The following ADGRL3 variants were observed in gnomAD, a reference collection of about 807,000 sequenced individuals.
The protein encoded by ADGRL3 is calcium-independent alpha-latrotoxin receptor 3.
In ADGRL3, 62 loss-of-function variants were observed where a neutral mutation model predicts 153.5. The ratio of observed to expected loss-of-function variants is 0.40; its 90% confidence interval spans 0.33 to 0.50. The LOEUF (loss-of-function observed/expected upper bound fraction) is 0.50. Among genes scored for constraint, ADGRL3 ranks in the 20% least tolerant of loss-of-function variants. The pLI is 0.47. For synonymous variants in ADGRL3, 710 were observed against 672.5 expected, an observed-to-expected ratio of 1.06 and a Z score of -0.86; for missense variants, 1,641 against 1,859.4, an observed-to-expected ratio of 0.88 and a Z score of 2.16.
chr4:61,228,027 A>G (rs1392036625), intron 1 of ADGRL3, among the ~76,000 whole-genome samples: 2 of 152,238 alleles, frequency 1.3e-5, no homozygotes, highest in Non-Finnish European at 2.9e-5. Flanking sequence ...CCACTTATGA[A>G]AATCTGAAAA....
At chr4:61,420,088 C>G in intron 2 of ADGRL3, among the ~76,000 whole-genome samples, 1 of 152,142 alleles carries the variant, frequency 6.6e-6, no homozygotes, top group Non-Finnish European at 1.5e-5. Context: ...AGGCGTGAGC[C>G]ACCATGCCCA....
intron 5 of ADGRL3, among the ~76,000 whole-genome samples, chr4:61,631,459 T>C (rs757749989): frequency 3.9e-5 from 6 of 152,224 alleles, no homozygotes; most frequent in Non-Finnish European, 8.8e-5. Context: ...GGAACCCTTT[T>C]CATCATAAAG....
intron 1 of ADGRL3, among the ~76,000 whole-genome samples, chr4:61,309,537 T>A (rs1395731303): frequency 1.3e-5 from 2 of 152,072 alleles, no homozygotes; most frequent in African/African-American, 4.8e-5. Flanking sequence ...TATACAACTT[T>A]CCTAATAAAT....
At chr4:61,837,968 T>A (rs1477430043) in intron 9 of ADGRL3, among the ~76,000 whole-genome samples, 1 of 152,130 alleles carries the variant, frequency 6.6e-6, no homozygotes, top group African/African-American at 2.4e-5. Context: ...ATTGTCATGA[T>A]GTGCTTCATA....
rs548347888 is a variant in ADGRL3, at chr4:61,428,618, C to T, written c.-174+45429C>T. Among the ~76,000 whole-genome samples, 15 of 152,206 alleles carry T rather than the reference C, an allele frequency of 9.9e-5. No individual in the cohort carries two copies. The South Asian group carries it at 1.2e-3, about 13-fold the overall frequency. Reference sequence around the variant, plus strand: ...TGTGTTGTCTGTTTCTGCCACTTACCGGCTATGTGATTTGGTAGTTATGTC... The same window carrying T: ...TGTGTTGTCTGTTTCTGCCACTTACTGGCTATGTGATTTGGTAGTTATGTC... On this transcript the variant is annotated intron_variant, in intron 2 of 26. Transcript: ENST00000683033.
At chr4:62,032,885 A>C (rs953011107) in intron 23 of ADGRL3, among the ~76,000 whole-genome samples, 1 of 151,732 alleles carries the variant, frequency 6.6e-6, no homozygotes, top group African/African-American at 2.4e-5. Context: ...CAGAAAAGAA[A>C]AGAGGTTACA....
chr4:61,833,225 A>G (rs951582462), intron 9 of ADGRL3, among the ~76,000 whole-genome samples: 14 of 152,192 alleles, frequency 9.2e-5, no homozygotes, highest in Admixed American at 2.6e-4. Flanking sequence ...AATAAGGAGC[A>G]TAGTTCTTGC....
At chr4:62,060,307 T>C (rs1441534628) in intron 25 of ADGRL3, among the ~76,000 whole-genome samples, 2 of 152,008 alleles carry the variant, frequency 1.3e-5, no homozygotes, top group African/African-American at 4.8e-5. Flanking sequence ...GCAATCTCCT[T>C]ACCTTATTAT....
chr4:61,602,115 G>GTCT (rs1479418388), intron 5 of ADGRL3, among the ~76,000 whole-genome samples: 1 of 150,928 alleles, frequency 6.6e-6, no homozygotes, highest in Non-Finnish European at 1.5e-5. Flanking sequence ...TGACCTCCCT[G>GTCT]TCTTATATCT....
intron 1 of ADGRL3, among the ~76,000 whole-genome samples, chr4:61,236,104 G>C (rs964901822): frequency 1.9e-4 from 28 of 143,724 alleles, no homozygotes; most frequent in South Asian, 2.2e-4. Context: ...CCACCTCCTG[G>C]GTCCAAGCGA....
intron 17 of ADGRL3, among the ~76,000 whole-genome samples, chr4:61,950,005 G>T (rs2098941013): frequency 1.3e-5 from 2 of 152,116 alleles, no homozygotes; most frequent in Admixed American, 1.3e-4. Context: ...AATGGCTTTT[G>T]CAAAGATCGA....
chr4:61,890,942 TTATATATGCAAATTA>T (rs74266806), intron 9 of ADGRL3, among the ~76,000 whole-genome samples: 76,266 of 151,792 alleles, frequency 0.5, 19,456 homozygotes, highest in African/African-American at 0.57. Context: ...ATTTGATTTA[TTATATATGCAAATTA>T]TATATATTAG....
chr4:61,730,718 G>T, intron 7 of ADGRL3, 82 bp downstream of exon 7: 1 of 345,262 alleles, frequency 2.9e-6, no homozygotes. Context: ...AAATAATTTT[G>T]TTATTAATTC....
intron 2 of ADGRL3, among the ~76,000 whole-genome samples, chr4:61,387,025 T>C (rs1423382318): frequency 6.6e-6 from 1 of 152,146 alleles, no homozygotes; most frequent in Non-Finnish European, 1.5e-5. Context: ...ATCACGTAGG[T>C]TCTTTTCTAT....
chr4:61,367,549 C>T (rs1301101021), intron 1 of ADGRL3, among the ~76,000 whole-genome samples: 1 of 151,002 alleles, frequency 6.6e-6, no homozygotes, highest in African/African-American at 2.4e-5. Context: ...CATCCATGTC[C>T]CTACAAAGGA....
intron 25 of ADGRL3, among the ~76,000 whole-genome samples, chr4:62,054,835 A>C (rs1373482674): frequency 6.6e-6 from 1 of 151,736 alleles, no homozygotes; most frequent in Non-Finnish European, 1.5e-5. Flanking sequence ...CAACTCACAA[A>C]AAAGAAACCC....
At chr4:61,515,219 G>A (rs758423481) in intron 3 of ADGRL3, among the ~76,000 whole-genome samples, 1 of 152,020 alleles carries the variant, frequency 6.6e-6, no homozygotes, top group Admixed American at 6.6e-5. Flanking sequence ...AACACACCAA[G>A]GGATTTTAGC....
chr4:61,913,042 T>C (rs2098729182), intron 13 of ADGRL3, among the ~76,000 whole-genome samples: 1 of 152,092 alleles, frequency 6.6e-6, no homozygotes, highest in Non-Finnish European at 1.5e-5. Flanking sequence ...ATTTTTTTCA[T>C]AGAGGTGGGT....
intron 8 of ADGRL3, among the ~76,000 whole-genome samples, chr4:61,789,828 G>GA (rs2097320820): frequency 6.6e-6 from 1 of 152,150 alleles, no homozygotes; most frequent in Admixed American, 6.5e-5. Context: ...AACAGGCACA[G>GA]AAAAAATGTT....
Sources: gnomAD v4.1 joint callset for allele counts (sites outside exome capture counted in the v4.1 genomes callset) on GRCh38, gnomAD v4.1.1 for gene constraint, MANE v1.5 for transcripts, NCBI Gene and HGNC (gene_info 2026-07-23, HGNC 2026-07-21) for gene names.